MRTFA: variants seen among roughly 807,000 people sequenced by gnomAD.
MRTFA encodes the protein myocardin-related transcription factor A.
Under a neutral mutation model 83.5 loss-of-function variants are expected in MRTFA, and 20 were observed. The observed-to-expected ratio is 0.24, with a 90% CI of 0.17 to 0.35. The LOEUF (loss-of-function observed/expected upper bound fraction) is 0.35. MRTFA is among the 10% of genes least tolerant of loss of function. The pLI is 1.00. For missense variants in MRTFA, 1,200 were observed against 1,224.7 expected (o/e 0.98, Z 0.30); for synonymous variants, 659 against 541.2 (o/e 1.22, Z -3.02).
chr22:40,411,089 A>G lies in MRTFA; in HGVS notation c.*301T>C. 1 of 305,830 alleles carries G rather than the reference A, an allele frequency of 3.3e-6. No individual in the cohort carries two copies. The highest frequency in any genetic ancestry group is 6.0e-6 in the Non-Finnish European group (1 of 165,922). The allele number at this position is 305,830 out of a possible 1,614,324, so 18.9% of individuals were successfully genotyped here. A position where few individuals can be genotyped will look rare whatever the true frequency, so the allele number is the denominator to read the frequency against. ...TACCTTAGCCAAATTGTAGCCAGAC[A>G]GACAGTGCCCCCTGACCTCAAAAAA... On this transcript the variant is annotated 3_prime_UTR_variant, in exon 15 of 15. Transcript: ENST00000355630.
At chr22:40,459,553 T>C (rs1446931903) in intron 4 of MRTFA, among the ~76,000 whole-genome samples, 1 of 151,752 alleles carries the variant, frequency 6.6e-6, no homozygotes, top group African/African-American at 2.4e-5. Flanking sequence ...ACCCAAAGTA[T>C]ACAATTAGAT....
chr22:40,525,646 G>C (rs1202683610), intron 3 of MRTFA, among the ~76,000 whole-genome samples: 1 of 151,984 alleles, frequency 6.6e-6, no homozygotes, highest in Non-Finnish European at 1.5e-5. Flanking sequence ...GACACCTAGG[G>C]GTCCTCAGAC....
intron 3 of MRTFA, among the ~76,000 whole-genome samples, chr22:40,506,211 C>T (rs566366166): frequency 6.6e-6 from 1 of 152,104 alleles, no homozygotes; most frequent in Admixed American, 6.5e-5. Flanking sequence ...TCCAGCCACT[C>T]CAGCCTGGGC....
chr22:40,516,913 AT>A (rs780052836), intron 3 of MRTFA, among the ~76,000 whole-genome samples: 5 of 151,536 alleles, frequency 3.3e-5, no homozygotes, highest in Non-Finnish European at 5.9e-5. Flanking sequence ...GGACAACATA[AT>A]TTTTTTCTTT....
chr22:40,617,211 AGGGAGGGAGGGC>A (rs1176523070), intron 1 of MRTFA, among the ~76,000 whole-genome samples: 3 of 18,302 alleles, frequency 1.6e-4, no homozygotes, highest in Admixed American at 7.5e-4. Context: ...GGAGGGAGGG[AGGGAGGGAGGGC>A]GGGCAGGGAG....
At chr22:40,571,774 AG>A (rs1334791193) in intron 2 of MRTFA, among the ~76,000 whole-genome samples, 2 of 151,562 alleles carry the variant, frequency 1.3e-5, no homozygotes, top group African/African-American at 4.8e-5. Context: ...AAAAAAAAAA[AG>A]CAGCCGGGCA....
intron 2 of MRTFA, among the ~76,000 whole-genome samples, chr22:40,577,605 TC>T (rs1374358330): frequency 2.4e-4 from 35 of 148,520 alleles, no homozygotes; most frequent in Admixed American, 1.1e-3. Flanking sequence ...TCAATCTACA[TC>T]TGATTTTTTT....
chr22:40,490,246 C>T (rs2054249297), intron 3 of MRTFA, among the ~76,000 whole-genome samples: 1 of 152,106 alleles, frequency 6.6e-6, no homozygotes, highest in Non-Finnish European at 1.5e-5. Context: ...GTTTCTTTGA[C>T]GTTAGTCCAG....
At chr22:40,441,098 T>C (rs978309779) in intron 4 of MRTFA, among the ~76,000 whole-genome samples, 21 of 152,156 alleles carry the variant, frequency 1.4e-4, no homozygotes, top group African/African-American at 4.8e-4. Flanking sequence ...ACAAGAGTCA[T>C]GTGTGTTTAT....
intron 2 of MRTFA, among the ~76,000 whole-genome samples, chr22:40,566,918 A>T (rs1363238356): frequency 6.6e-6 from 1 of 152,190 alleles, no homozygotes; most frequent in Non-Finnish European, 1.5e-5. Context: ...TTAGCGTGCC[A>T]CCTGACTCTG....
chr22:40,457,516 AAG>A (rs1234327893), intron 4 of MRTFA, among the ~76,000 whole-genome samples: 3 of 150,220 alleles, frequency 2.0e-5, no homozygotes, highest in Non-Finnish European at 4.5e-5. Context: ...AAGAAAGAAA[AAG>A]AGAGAGAGAT....
intron 4 of MRTFA, among the ~76,000 whole-genome samples, chr22:40,457,542 CAGAG>C (rs971151647): frequency 2.6e-5 from 4 of 151,668 alleles, no homozygotes; most frequent in South Asian, 2.1e-4. Context: ...CAACTTCAGA[CAGAG>C]AGAGACCGTA....
chr22:40,470,574 A>T (rs942535639), intron 3 of MRTFA, among the ~76,000 whole-genome samples: 3 of 151,906 alleles, frequency 2.0e-5, no homozygotes, highest in African/African-American at 7.3e-5. Flanking sequence ...GCTAATTTTA[A>T]AAAAGGAAAC....
At chr22:40,480,490 T>C (rs1235127038) in intron 3 of MRTFA, among the ~76,000 whole-genome samples, 2 of 152,082 alleles carry the variant, frequency 1.3e-5, no homozygotes, top group Non-Finnish European at 2.9e-5. Flanking sequence ...AAAAAAGTGA[T>C]CTACATACTT....
At chr22:40,456,787 A>G (rs2053593373) in intron 4 of MRTFA, among the ~76,000 whole-genome samples, 1 of 152,234 alleles carries the variant, frequency 6.6e-6, no homozygotes, top group South Asian at 2.1e-4. Context: ...CTATCATAAA[A>G]TAAGTTGAAG....
chr22:40,472,754 C>T (rs2053936785), intron 3 of MRTFA, among the ~76,000 whole-genome samples: 1 of 152,138 alleles, frequency 6.6e-6, no homozygotes, highest in Admixed American at 6.5e-5. Flanking sequence ...TCCCAGCTTC[C>T]ATGGTGTCTT....
intron 1 of MRTFA, among the ~76,000 whole-genome samples, chr22:40,606,016 C>T (rs904094808): frequency 5.3e-5 from 8 of 152,176 alleles, no homozygotes; most frequent in African/African-American, 1.4e-4. Flanking sequence ...ATAAACTCTA[C>T]GGAAAATCTG....
rs113340278 is a variant in MRTFA, at chr22:40,559,151, A to T, written c.-21-6784T>A. On this transcript the variant is annotated intron_variant, in intron 2 of 14. Coordinates refer to ENST00000355630, the MANE Select transcript of MRTFA (RefSeq NM_020831.6). ...CACCTGTAATCCCCAGCAGTTGGGG[A>T]GGCCAAGGTGGGCAGATTGTTAGAG... 7.4e-3 allele frequency among the ~76,000 whole-genome samples: 1,123 copies of T among 152,248 alleles called. 25 individuals are homozygous for T. The Middle Eastern group carries it at 0.075, about 10-fold the overall frequency.
intron 2 of MRTFA, chr22:40,587,342 A>C (rs2056046401): frequency 3.0e-5 from 13 of 427,854 alleles, no homozygotes; most frequent in South Asian, 2.3e-4. Flanking sequence ...AATTCTAGGA[A>C]TGTTTCGGAA....
Sources: allele counts gnomAD v4.1 joint callset (sites outside exome capture counted in the v4.1 genomes callset), GRCh38; gene constraint gnomAD v4.1.1; transcripts MANE v1.5; gene names NCBI Gene and HGNC (gene_info 2026-07-23, HGNC 2026-07-21).